Variants in ASTE1 observed in about 807,000 individuals in gnomAD.
ASTE1 encodes asteroid structure-specific endonuclease 1.
In ASTE1, 49 loss-of-function variants were observed where a neutral mutation model predicts 45.8. The observed-to-expected ratio is 1.07, with a 90% CI of 0.85 to 1.36. ASTE1 has a LOEUF of 1.36. Among genes scored for constraint, ASTE1 ranks in the 40% most tolerant of loss-of-function variants. The pLI, the probability that ASTE1 is intolerant of heterozygous loss-of-function variation, is 0.00. For synonymous variants in ASTE1, 296 were observed against 303.9 expected (o/e 0.97, Z 0.27); for missense variants, 709 against 804.0 (o/e 0.88, Z 1.43).
In ASTE1 at chr3:131,025,390, T is replaced by G. The variant is rs1577116979; in HGVS notation, c.-25-59A>C. 9 of 1,528,652 alleles carry G rather than the reference T, an allele frequency of 5.9e-6. No homozygotes were observed. The East Asian group carries it at 2.0e-4, about 35-fold the overall frequency. 94.7% of individuals were successfully genotyped at this position (1,528,652 alleles called of 1,614,324 possible). ...TGCTAGTTATGGGGCACCAAGTCAT[T>G]GCTTCCAGCACCATTAAATCAATAG... is the stretch of plus-strand genomic sequence containing the variant. On this transcript the variant is annotated intron_variant, in intron 2 of 5. Coordinates refer to ENST00000264992, the MANE Select transcript of ASTE1 (RefSeq NM_014065.4).
intron 4 of ASTE1, chr3:131,016,949 A>C (rs968091035): frequency 7.9e-7 from 1 of 1,262,018 alleles, no homozygotes; most frequent in Non-Finnish European, 1.0e-6. Flanking sequence ...TGCACAAAAT[A>C]ACATCTGGAC....
At chr3:131,018,446 C>G (rs1274589473) in intron 4 of ASTE1, 60 bp downstream of exon 4, 2 of 1,510,204 alleles carry the variant, frequency 1.3e-6, no homozygotes, top group African/African-American at 2.8e-5. Flanking sequence ...TGTGTAAACT[C>G]GAGTAAACAG....
At chr3:131,023,962 TAAAGTACTTTACA>T in intron 3 of ASTE1, 30 bp downstream of exon 3, 8 of 1,526,858 alleles carry the variant, frequency 5.2e-6, no homozygotes, top group Non-Finnish European at 6.2e-6. Context: ...TTGTATCCTG[TAAAGTACTTTACA>T]AAAATTTCAT....
chr3:131,021,404 T>C (rs547480932), intron 3 of ASTE1, among the ~76,000 whole-genome samples: 15 of 152,286 alleles, frequency 9.8e-5, no homozygotes, highest in South Asian at 4.1e-4. Flanking sequence ...AAATGAATGA[T>C]CAACTACTCA....
chr3:131,014,231 T>A lies in ASTE1; in HGVS notation c.1866A>T (p.Pro622=). The change falls in exon 6 of 6, where the codon CCA becomes CCT. Residue 622 remains proline, a synonymous_variant. Transcript: ENST00000264992. The part of the protein sequence containing the change: ...RSYAPAEIFL[P]KGRSNSKKKR... ...TTTTTTTTGAATTTGATCTACCTTTTGGTAGGAATATTTCAGCGGGGGCAT... is the reference window on the plus strand; with the variant it reads ...TTTTTTTTGAATTTGATCTACCTTTAGGTAGGAATATTTCAGCGGGGGCAT... The A allele has an allele frequency of 1.2e-6, 2 of 1,613,938 alleles. No individual in the cohort carries two copies. Among genetic ancestry groups the A allele is most frequent in the Non-Finnish European group, 1.7e-6 (2 of 1,179,954 alleles).
chr3:131,016,691 T>G, intron 4 of ASTE1: 2 of 331,160 alleles, frequency 6.0e-6, no homozygotes, highest in South Asian at 5.4e-5. Context: ...ATTATTCTCT[T>G]TACTGTTCTC....
Position 131,014,113 on chromosome 3 carries a change from C to A in ASTE1, c.1984G>T (p.Gly662Trp), listed in dbSNP as rs1192853173. ...TCTAAGTTTTCAACCATTAACAACC[C>A]AAACCGGTTGTTTCCCTCATACCAA... ...KCWYEGNNRF[G>W]LLMVENLEEH... The change falls in exon 6 of 6, where the codon GGG becomes TGG. Residue 662 changes from glycine (G) to tryptophan (W), a missense_variant. By Grantham distance (184) the Gly-to-Trp change is radical. Coordinates refer to ENST00000264992, the MANE Select transcript of ASTE1 (RefSeq NM_014065.4). 1.2e-6 allele frequency: 2 copies of A among 1,610,050 alleles called. No individual in the cohort carries two copies. Among genetic ancestry groups the A allele is most frequent in the East Asian group, 4.5e-5 (2 of 44,880 alleles).
chr3:131,023,555 A>G (rs1207478203), intron 3 of ASTE1, among the ~76,000 whole-genome samples: 2 of 152,326 alleles, frequency 1.3e-5, no homozygotes, highest in Admixed American at 6.5e-5. Flanking sequence ...AAGTTAAAAA[A>G]TTAGACCTTA....
chr3:131,018,787 C>T lies in ASTE1; in HGVS notation c.1303-71G>A, dbSNP rs983824014. ...CTGTTATTTCTTTTTTCCACCATAG[C>T]ATGAAGAGATTTAATGCTACTGAAA... On this transcript the variant is annotated intron_variant, in intron 3 of 5. Coordinates refer to ENST00000264992, the MANE Select transcript of ASTE1 (RefSeq NM_014065.4). 2.1e-5 allele frequency: 31 copies of T among 1,494,200 alleles called. No individual in the cohort carries two copies. In the Middle Eastern group the frequency reaches 7.0e-4, roughly 34 times the overall value. The allele number at this position is 1,494,200 out of a possible 1,614,324, so 92.6% of individuals were successfully genotyped here. A position where few individuals can be genotyped will look rare whatever the true frequency, so the allele number is the denominator to read the frequency against.
chr3:131,024,150 TGTG>T lies in ASTE1; in HGVS notation c.1154_1156del (p.Pro385del), dbSNP rs1316442145. 1 of 1,614,218 alleles carries T rather than the reference TGTG, an allele frequency of 6.2e-7. No homozygotes were observed. Among genetic ancestry groups the T allele is most frequent in the Admixed American group, 1.7e-5 (1 of 60,022 alleles). On this transcript the variant is annotated inframe_deletion, in exon 3 of 6. Coordinates refer to ENST00000264992, the MANE Select transcript of ASTE1 (RefSeq NM_014065.4). ...TGCATTCCAGGATGTCTTGTCCAGA[TGTG>T]GTGAGGCATTTAAAAGAAGCCCATA...
intron 4 of ASTE1, chr3:131,017,141 T>A: frequency 4.9e-6 from 4 of 813,340 alleles, no homozygotes; most frequent in Non-Finnish European, 7.0e-6. Flanking sequence ...TTTCTTATAC[T>A]GTATTTATTA....
chr3:131,022,266 C>A (rs1159697894), intron 3 of ASTE1, among the ~76,000 whole-genome samples: 2 of 152,050 alleles, frequency 1.3e-5, no homozygotes, highest in African/African-American at 4.8e-5. Flanking sequence ...CTACTGAAAC[C>A]TTTTCTTCTC....
At chr3:131,014,998 C>T (rs1458140581) in intron 5 of ASTE1, among the ~76,000 whole-genome samples, 1 of 152,104 alleles carries the variant, frequency 6.6e-6, no homozygotes, top group Non-Finnish European at 1.5e-5. Flanking sequence ...TTTTGCATTT[C>T]CTGTTTTGTT....
chr3:131,016,617 G>A, intron 4 of ASTE1: 1 of 437,320 alleles, frequency 2.3e-6, no homozygotes, highest in Non-Finnish European at 4.2e-6. Context: ...CCATAAACAT[G>A]TCTGCATTTG....
intron 4 of ASTE1, 78 bp downstream of exon 4, chr3:131,018,426 CTT>C: frequency 7.2e-7 from 1 of 1,390,076 alleles, no homozygotes; most frequent in Admixed American, 1.8e-5. Flanking sequence ...TCCAAGAATA[CTT>C]TTTTGTTTGT....
In ASTE1 at chr3:131,016,354, A is replaced by T; in HGVS notation, c.1514-15T>A. On this transcript the variant is annotated splice_polypyrimidine_tract_variant and intron_variant, in intron 4 of 5. Coordinates refer to ENST00000264992, the MANE Select transcript of ASTE1 (RefSeq NM_014065.4). Reference sequence around the variant, plus strand: ...CTCTTCCTTACCTAAATAAAGAAACAGCCCAAGGGCAGTATTTCTAAAAGC... The same window carrying T: ...CTCTTCCTTACCTAAATAAAGAAACTGCCCAAGGGCAGTATTTCTAAAAGC... 1.2e-6 allele frequency: 2 copies of T among 1,614,164 alleles called. No homozygotes were observed. The highest frequency in any genetic ancestry group is 1.7e-6 in the Non-Finnish European group (2 of 1,179,996).
chr3:131,022,919 G>A (rs1341706817), intron 3 of ASTE1, among the ~76,000 whole-genome samples: 1 of 152,128 alleles, frequency 6.6e-6, no homozygotes, highest in African/African-American at 2.4e-5. Context: ...ACTTTCCTGT[G>A]CACTGTAAGA....
rs750679691 is a variant in ASTE1 at position 131,014,267 on chromosome 3, G to A, written c.1830C>T (p.Ala610=). The A allele has an allele frequency of 6.2e-7, 1 of 1,613,826 alleles. No individual in the cohort carries two copies. Among genetic ancestry groups the A allele is most frequent in the Non-Finnish European group, 8.5e-7 (1 of 1,179,984 alleles). The part of the protein sequence containing the change: ...AKQLYEYLFN[A]TRSYAPAEIF... ...TTTCAGCGGGGGCATATGACCTTGTGGCATTGAATAGATATTCATAAAGTT... is the reference window on the plus strand; with the variant it reads ...TTTCAGCGGGGGCATATGACCTTGTAGCATTGAATAGATATTCATAAAGTT... Residue 610 remains alanine (A), a synonymous_variant, in exon 6 of 6, where the codon GCC becomes GCT. Transcript: ENST00000264992.
At chr3:131,026,150 C>G (rs2063873281) in intron 1 of ASTE1, 1 of 151,958 alleles carries the variant, frequency 6.6e-6, no homozygotes, top group Non-Finnish European at 1.5e-5. Context: ...ATTTTTTTTG[C>G]TATAATTTTG....
Sources: allele counts gnomAD v4.1 joint callset (sites outside exome capture counted in the v4.1 genomes callset), GRCh38; gene constraint gnomAD v4.1.1; transcripts MANE v1.5; gene names NCBI Gene and HGNC (gene_info 2026-07-23, HGNC 2026-07-21).